CALD1: variants seen among roughly 807,000 people sequenced by gnomAD.
CALD1 encodes caldesmon.
Under a neutral mutation model 99.9 loss-of-function variants are expected in CALD1, and 33 were observed. The observed-to-expected ratio is 0.33, with a 90% CI of 0.25 to 0.44. The LOEUF is 0.44. Ranked by LOEUF, CALD1 falls within the 20% of genes least tolerant of loss-of-function variation. CALD1 has a pLI of 1.00. For missense variants in CALD1, 861 were observed against 962.1 expected (o/e 0.89, Z 1.39); for synonymous variants, 310 against 325.0 (o/e 0.95, Z 0.50).
intron 11 of CALD1, 94 bp from the exon 12 acceptor site, chr7:134,959,880 T>G: frequency 7.3e-7 from 1 of 1,360,862 alleles, no homozygotes; most frequent in South Asian, 1.4e-5. Context: ...ACAATGAATT[T>G]TTAAGATGAT....
At chr7:134,844,280 C>T (rs1041024552) in intron 2 of CALD1, 3 of 151,960 alleles carry the variant, frequency 2.0e-5, no homozygotes, top group Non-Finnish European at 4.4e-5. Flanking sequence ...TCTTCACTTC[C>T]TGTGAAAAAT....
intron 1 of CALD1, among the ~76,000 whole-genome samples, chr7:134,803,091 G>A (rs1798007573): frequency 6.6e-6 from 1 of 152,102 alleles, no homozygotes; most frequent in African/African-American, 2.4e-5. Flanking sequence ...TCTAGTAGTT[G>A]TTTAGTGGTA....
At chr7:134,751,309 A>G (rs6973845) in intron 1 of CALD1, among the ~76,000 whole-genome samples, 37,784 of 152,110 alleles carry the variant, frequency 0.25, 5,406 homozygotes, top group African/African-American at 0.39. Context: ...TAATGGTTTT[A>G]AGGCTATTAG....
chr7:134,814,885 G>A (rs1798498111), intron 1 of CALD1, among the ~76,000 whole-genome samples: 1 of 152,128 alleles, frequency 6.6e-6, no homozygotes, highest in Non-Finnish European at 1.5e-5. Flanking sequence ...GCCTCCCCCA[G>A]TTTGAATTTG....
At chr7:134,733,808 CA>C in the CALD1 span, among the ~76,000 whole-genome samples, 81,879 of 125,938 alleles carry the variant, frequency 0.65, 24,637 homozygotes, top group East Asian at 0.86. Context: ...GACTCTGTCT[CA>C]AAAAAAAAAA....
At chr7:134,847,553 G>A (rs189950139) in intron 2 of CALD1, among the ~76,000 whole-genome samples, 18 of 152,160 alleles carry the variant, frequency 1.2e-4, no homozygotes, top group Non-Finnish European at 1.8e-4. Flanking sequence ...AGGATTGAGG[G>A]GACACGAGGT....
chr7:134,962,115 G>A (rs368094937), intron 13 of CALD1: 8 of 151,948 alleles, frequency 5.3e-5, no homozygotes, highest in Non-Finnish European at 8.8e-5. Context: ...ATTTTTGCAC[G>A]TTTATGATAT....
intron 3 of CALD1, among the ~76,000 whole-genome samples, chr7:134,915,728 T>C (rs2132747280): frequency 6.6e-6 from 1 of 152,354 alleles, no homozygotes; most frequent in Non-Finnish European, 1.5e-5. Context: ...TTATTCTATC[T>C]GTTAAAACAT....
intron 6 of CALD1, 49 bp downstream of exon 6, chr7:134,935,814 C>A (rs1805928449): frequency 1.3e-6 from 2 of 1,527,486 alleles, no homozygotes; most frequent in Non-Finnish European, 1.8e-6. Flanking sequence ...AAAAAGCAGT[C>A]AGTGTTCCAA....
At chr7:134,845,429 G>C (rs1187402123) in intron 2 of CALD1, among the ~76,000 whole-genome samples, 5 of 152,118 alleles carry the variant, frequency 3.3e-5, no homozygotes, top group African/African-American at 1.2e-4. Context: ...ATAAGTTAAG[G>C]CTGAGGAGAA....
intron 3 of CALD1, among the ~76,000 whole-genome samples, chr7:134,922,632 C>T (rs551839480): frequency 2.0e-5 from 3 of 152,316 alleles, no homozygotes; most frequent in South Asian, 2.1e-4. Context: ...GAGGAAAACT[C>T]GTTCCTTGCT....
chr7:134,762,070 C>T (rs1796783171), intron 1 of CALD1, among the ~76,000 whole-genome samples: 2 of 152,160 alleles, frequency 1.3e-5, no homozygotes, highest in South Asian at 4.1e-4. Context: ...GGAGCCTTGG[C>T]CTCCAAATGC....
At position 134,919,273 on chromosome 7, in the gene CALD1, G is replaced by A. The variant is rs118056602; in HGVS notation, c.72-9481G>A. Among the ~76,000 whole-genome samples, 513 of 152,080 alleles carry A rather than the reference G, an allele frequency of 3.4e-3. 1 individual carries two copies. Among genetic ancestry groups the A allele is most frequent in the Non-Finnish European group, 5.5e-3 (377 of 67,976 alleles). ...GAATCAGAACTCTCAGTACTCCCTG[G>A]GTGCCTTCTAACCATACAGGACCCA... On this transcript the variant is annotated intron_variant, in intron 3 of 14. Transcript: ENST00000361675.
intron 1 of CALD1, among the ~76,000 whole-genome samples, chr7:134,795,398 T>G (rs1797707997): frequency 6.6e-6 from 1 of 152,230 alleles, no homozygotes; most frequent in Non-Finnish European, 1.5e-5. Context: ...GACATGATTT[T>G]GTTCCTAATT....
chr7:134,904,772 C>G (rs538235745), intron 3 of CALD1, among the ~76,000 whole-genome samples: 1 of 152,180 alleles, frequency 6.6e-6, no homozygotes, highest in South Asian at 2.1e-4. Flanking sequence ...TCCATCAATT[C>G]TCCGTGAAGT....
chr7:134,743,023 G>T (rs1238665684), upstream of CALD1, among the ~76,000 whole-genome samples: 1 of 152,198 alleles, frequency 6.6e-6, no homozygotes, highest in African/African-American at 2.4e-5. Context: ...GCCTTTTAAA[G>T]TCAATCTAAG....
chr7:134,727,519 T>A, the CALD1 span, among the ~76,000 whole-genome samples: 1 of 152,246 alleles, frequency 6.6e-6, no homozygotes, highest in Non-Finnish European at 1.5e-5. Context: ...AGTCCATTTT[T>A]ATAAAGTAGC....
chr7:134,949,907 C>CA (rs35356920), intron 8 of CALD1, among the ~76,000 whole-genome samples: 9,007 of 137,788 alleles, frequency 0.065, 362 homozygotes, highest in Non-Finnish European at 0.1. Context: ...GCTGATGAGC[C>CA]AAAAAAAAAA....
chr7:134,954,669 C>A (rs952175658), intron 9 of CALD1, among the ~76,000 whole-genome samples: 1 of 152,024 alleles, frequency 6.6e-6, no homozygotes, highest in Admixed American at 6.6e-5. Context: ...AAAGATGATC[C>A]CTGAGTCATA....
Sources: gnomAD v4.1 joint callset for allele counts (sites outside exome capture counted in the v4.1 genomes callset) on GRCh38, gnomAD v4.1.1 for gene constraint, MANE v1.5 for transcripts, NCBI Gene and HGNC (gene_info 2026-07-23, HGNC 2026-07-21) for gene names.